The following HMBOX1 variants were observed in gnomAD, a reference collection of about 807,000 sequenced individuals.
HMBOX1 encodes the protein homeobox-containing protein 1.
Under a neutral mutation model 54.5 loss-of-function variants are expected in HMBOX1, and 14 were observed. That is an observed-to-expected ratio of 0.26 (90% CI 0.17 to 0.40). HMBOX1 has a LOEUF of 0.40. Among genes scored for constraint, HMBOX1 ranks in the 10% least tolerant of loss-of-function variants. The pLI, the probability that HMBOX1 is intolerant of heterozygous loss-of-function variation, is 1.00. For missense variants in HMBOX1, 332 were observed against 514.4 expected, an observed-to-expected ratio of 0.65 and a Z score of 3.43; for synonymous variants, 160 against 181.0, an observed-to-expected ratio of 0.88 and a Z score of 0.93.
chr8:28,927,319 T>C (rs571443358), intron 1 of HMBOX1, among the ~76,000 whole-genome samples: 15 of 152,320 alleles, frequency 9.8e-5, no homozygotes, highest in Admixed American at 6.5e-4. Flanking sequence ...AGTAAACTTA[T>C]CACTTTTAGT....
In HMBOX1 at chr8:28,970,716, C is replaced by A. The variant is rs1048951142; in HGVS notation, c.500+197C>A. ...TTTATGTTTTTAATTTAAATTTTCT[C>A]TTCTTTACTTCAGCCCTTTCTCTTT... On this transcript the variant is annotated intron_variant, in intron 3 of 9. Coordinates refer to ENST00000287701, the MANE Select transcript of HMBOX1 (RefSeq NM_001135726.3). This position sits in a 1 kb window ranked among gnomAD's most constrained non-coding sequence, Gnocchi z 4.3. The A allele has an allele frequency of 2.1e-6, 1 of 483,332 alleles. No homozygotes were observed. Among genetic ancestry groups the A allele is most frequent in the Admixed American group, 3.8e-5 (1 of 26,396 alleles). 29.9% of individuals were successfully genotyped at this position (483,332 alleles called of 1,614,324 possible). A position where few individuals can be genotyped will look rare whatever the true frequency, so the allele number is the denominator to read the frequency against.
intron 6 of HMBOX1, among the ~76,000 whole-genome samples, chr8:29,020,629 C>T (rs1448098242): frequency 1.3e-5 from 2 of 152,122 alleles, no homozygotes; most frequent in Admixed American, 6.5e-5. Flanking sequence ...TTACCTGGCA[C>T]AACTAGAAAG....
chr8:28,933,143 A>G (rs1016216710), intron 1 of HMBOX1, among the ~76,000 whole-genome samples: 1 of 152,288 alleles, frequency 6.6e-6, no homozygotes, highest in South Asian at 2.1e-4. Context: ...ATCTATGTAA[A>G]TAATCTATCA....
intron 1 of HMBOX1, among the ~76,000 whole-genome samples, chr8:28,947,001 T>C (rs1822586388): frequency 6.6e-6 from 1 of 152,164 alleles, no homozygotes; most frequent in African/African-American, 2.4e-5. Flanking sequence ...AGATAAACCC[T>C]TGTCATTTTG....
chr8:28,921,739 G>A (rs1817598847), intron 1 of HMBOX1, among the ~76,000 whole-genome samples: 1 of 152,158 alleles, frequency 6.6e-6, no homozygotes, highest in East Asian at 1.9e-4. Context: ...GACATAGGAA[G>A]CTTATAAAAA....
chr8:29,046,715 T>G (rs946073007), intron 7 of HMBOX1, among the ~76,000 whole-genome samples: 3 of 152,260 alleles, frequency 2.0e-5, no homozygotes, highest in Non-Finnish European at 4.4e-5. Context: ...TTGTGGTGGC[T>G]CACGCTTGTA....
Position 28,949,284 on chromosome 8 carries a change from G to A in HMBOX1, c.-57-14527G>A, listed in dbSNP as rs151102441. ...GATGTTGATCTGGATTCTCAGTCTG[G>A]TATTTTTTAGCTACCTTGGTGGAGG... On this transcript the variant is annotated intron_variant, in intron 1 of 9. Coordinates refer to ENST00000287701, the MANE Select transcript of HMBOX1 (RefSeq NM_001135726.3). 7.4e-4 allele frequency among the ~76,000 whole-genome samples: 112 copies of A among 152,220 alleles called. 1 individual carries two copies. Among genetic ancestry groups the A allele is most frequent in the African/African-American group, 2.6e-3 (109 of 41,536 alleles).
At chr8:28,947,440 A>G (rs1422453125) in intron 1 of HMBOX1, among the ~76,000 whole-genome samples, 2 of 152,210 alleles carry the variant, frequency 1.3e-5, no homozygotes, top group East Asian at 1.9e-4. Flanking sequence ...AATTGAGAGC[A>G]TATGAATTCT....
At chr8:29,042,748 A>G (rs1294488755) in intron 6 of HMBOX1, 2 of 454,926 alleles carry the variant, frequency 4.4e-6, no homozygotes, top group Non-Finnish European at 8.8e-6. Flanking sequence ...AAGCTAAACA[A>G]TCTAGTTTCT....
intron 1 of HMBOX1, among the ~76,000 whole-genome samples, chr8:28,943,892 C>A (rs766923078): frequency 6.6e-6 from 1 of 152,132 alleles, no homozygotes; most frequent in Non-Finnish European, 1.5e-5. Context: ...AAACAGAAGC[C>A]TCAATATTTA....
chr8:28,948,097 C>T (rs1412996912), intron 1 of HMBOX1, among the ~76,000 whole-genome samples: 1 of 152,086 alleles, frequency 6.6e-6, no homozygotes, highest in East Asian at 1.9e-4. Flanking sequence ...CTAACCTAAC[C>T]TTGTTTAAAT....
intron 5 of HMBOX1, chr8:29,009,523 CTTTTTTTTT>C (rs10706846): frequency 1.1e-4 from 54 of 477,332 alleles, no homozygotes; most frequent in African/African-American, 1.0e-3. Context: ...TTCCGTATCT[CTTTTTTTTT>C]TTTTTTTTTT....
intron 6 of HMBOX1, among the ~76,000 whole-genome samples, chr8:29,038,543 TTATCCACTTGGTAACA>T (rs1273084806): frequency 6.6e-6 from 1 of 152,198 alleles, no homozygotes; most frequent in Non-Finnish European, 1.5e-5. Flanking sequence ...CTCCTACAGT[TTATCCACTTGGTAACA>T]GAAATTTCTA....
Position 28,970,779 on chromosome 8 carries a change from A to G in HMBOX1, c.500+260A>G. ...GCCTTTTCCATTCTGTTTATCAAAC[A>G]CTAATCTTCTCTATGACTCTAATAG... On this transcript the variant is annotated intron_variant, in intron 3 of 9. Transcript: ENST00000287701. This position sits in a 1 kb window ranked among gnomAD's most constrained non-coding sequence, Gnocchi z 4.3. 2 of 365,466 alleles carry G rather than the reference A, an allele frequency of 5.5e-6. No homozygotes were observed. Among genetic ancestry groups the G allele is most frequent in the Non-Finnish European group, 4.9e-6 (1 of 202,912 alleles). 22.6% of individuals were successfully genotyped at this position (365,466 alleles called of 1,614,324 possible). A position where few individuals can be genotyped will look rare whatever the true frequency, so the allele number is the denominator to read the frequency against.
chr8:28,964,927 C>T (rs1826193485), intron 2 of HMBOX1, among the ~76,000 whole-genome samples: 1 of 152,230 alleles, frequency 6.6e-6, no homozygotes, highest in African/African-American at 2.4e-5. Flanking sequence ...TTCTCTGTTA[C>T]CATTTCTATT....
chr8:29,025,285 A>G (rs1302075729), intron 6 of HMBOX1, among the ~76,000 whole-genome samples: 1 of 152,236 alleles, frequency 6.6e-6, no homozygotes, highest in Non-Finnish European at 1.5e-5. Context: ...AGTACCTGCC[A>G]TTAGAAAATG....
chr8:28,910,494 CT>C (rs1020594342), intron 1 of HMBOX1, among the ~76,000 whole-genome samples: 118 of 152,264 alleles, frequency 7.7e-4, no homozygotes, highest in African/African-American at 2.7e-3. Flanking sequence ...AACTATTTTA[CT>C]GTTTCACCAG....
chr8:28,983,916 A>G (rs546094642), intron 4 of HMBOX1, among the ~76,000 whole-genome samples: 30 of 151,474 alleles, frequency 2.0e-4, no homozygotes, highest in African/African-American at 7.3e-4. Context: ...AACTTACTGA[A>G]CTCCTATGTT....
chr8:29,023,991 C>T (rs572416148), intron 6 of HMBOX1, among the ~76,000 whole-genome samples: 10 of 152,204 alleles, frequency 6.6e-5, no homozygotes, highest in Admixed American at 2.0e-4. Context: ...TGTTATCTAT[C>T]GACGATTGTT....
Sources: gnomAD v4.1 joint callset for allele counts (sites outside exome capture counted in the v4.1 genomes callset) on GRCh38, gnomAD v4.1.1 for gene constraint, Gnocchi (gnomAD v3.1) non-coding constraint, MANE v1.5 for transcripts, NCBI Gene and HGNC (gene_info 2026-07-23, HGNC 2026-07-21) for gene names.